Variants in ADARB2 observed in about 807,000 individuals in gnomAD.
ADARB2 encodes inactive double-stranded RNA-specific editase B2.
ADARB2 carries 25 observed loss-of-function variants against 62.2 expected under a neutral mutation model. That is an observed-to-expected ratio of 0.40 (90% CI 0.29 to 0.56). The LOEUF is 0.56. ADARB2 is among the 20% of genes least tolerant of loss of function. ADARB2 has a pLI of 0.43. For missense variants in ADARB2, 1,071 were observed against 1,077.4 expected (o/e 0.99, Z 0.08); for synonymous variants, 572 against 500.8 (o/e 1.14, Z -1.90).
intron 3 of ADARB2, chr10:1,361,308 TAAG>T (rs963200821): frequency 6.7e-6 from 1 of 150,210 alleles, no homozygotes; most frequent in African/African-American, 2.5e-5. Flanking sequence ...AGGGAGTAAA[TAAG>T]AAGGAGGTGT....
intron 1 of ADARB2, among the ~76,000 whole-genome samples, chr10:1,595,004 G>A (rs534968181): frequency 4.0e-4 from 61 of 152,260 alleles, no homozygotes; most frequent in Non-Finnish European, 7.9e-4. Flanking sequence ...TGCAGGAAGC[G>A]GTCTTTCCTC....
intron 3 of ADARB2, among the ~76,000 whole-genome samples, chr10:1,328,500 G>C (rs934721947): frequency 6.6e-6 from 1 of 151,902 alleles, no homozygotes; most frequent in Admixed American, 6.5e-5. Context: ...TCAAACCCGC[G>C]TCCTGTTTTT....
In ADARB2 at chr10:1,363,101, G is replaced by A; in HGVS notation, c.1004C>T (p.Ala335Val). 6.6e-7 allele frequency: 1 copy of A among 1,519,754 alleles called. No individual in the cohort carries two copies. The highest frequency in any genetic ancestry group is 8.8e-7 in the Non-Finnish European group (1 of 1,141,962). 94.1% of individuals were successfully genotyped at this position (1,519,754 alleles called of 1,614,324 possible). A position where few individuals can be genotyped will look rare whatever the true frequency, so the allele number is the denominator to read the frequency against. Reference protein sequence around the residue: ...KLARGQAAQAALQELFDIQMP... With the variant: ...KLARGQAAQAVLQELFDIQMP... The stretch of plus-strand genomic sequence containing the variant: ...CTGGATGTCGAACAGCTCCTGCAGT[G>A]CGGCCTGCGCGGCCTGACCCCGGGC... The change falls in exon 3 of 10, where the codon GCA becomes GTA. Residue 335 changes from alanine to valine, a missense_variant. Transcript: ENST00000381312.
chr10:1,394,806 G>T, intron 1 of ADARB2: 1 of 456,610 alleles, frequency 2.2e-6, no homozygotes, highest in South Asian at 1.5e-5. Flanking sequence ...AAGGGGAGGA[G>T]CTGCTTCCCC....
intron 3 of ADARB2, among the ~76,000 whole-genome samples, chr10:1,299,297 G>A (rs1245913649): frequency 3.3e-5 from 5 of 151,996 alleles, no homozygotes; most frequent in South Asian, 2.1e-4. Context: ...ACCAGTGTGC[G>A]TAGAGTGTGA....
At chr10:1,654,978 G>A (rs1834156135) in intron 1 of ADARB2, among the ~76,000 whole-genome samples, 1 of 152,250 alleles carries the variant, frequency 6.6e-6, no homozygotes, top group Admixed American at 6.5e-5. Flanking sequence ...GTTACAAGGT[G>A]GAGCCATCAG....
At chr10:1,225,367 T>C (rs1377349307) in intron 6 of ADARB2, among the ~76,000 whole-genome samples, 2 of 152,212 alleles carry the variant, frequency 1.3e-5, no homozygotes, top group Non-Finnish European at 2.9e-5. Flanking sequence ...CTTTTTCCAA[T>C]TTGCCAGTCT....
intron 1 of ADARB2, among the ~76,000 whole-genome samples, chr10:1,475,019 G>A (rs879315389): frequency 1.2e-4 from 19 of 152,126 alleles, no homozygotes; most frequent in Non-Finnish European, 2.1e-4. Flanking sequence ...GTCTAATGGT[G>A]CCACGCCCAC....
chr10:1,222,878 A>C (rs1830707316), intron 6 of ADARB2, among the ~76,000 whole-genome samples: 1 of 150,980 alleles, frequency 6.6e-6, no homozygotes, highest in Non-Finnish European at 1.5e-5. Flanking sequence ...CTTTTGGCTT[A>C]GGATTGACTT....
chr10:1,206,895 C>T (rs1377455426), intron 7 of ADARB2, among the ~76,000 whole-genome samples: 2 of 152,236 alleles, frequency 1.3e-5, no homozygotes, highest in African/African-American at 4.8e-5. Flanking sequence ...CCCCCAGGAA[C>T]TGGGCTCTGG....
chr10:1,186,708 G>A, intron 8 of ADARB2: 1 of 408,718 alleles, frequency 2.4e-6, no homozygotes. Flanking sequence ...TGGCGTCTTG[G>A]CCAGGGCATT....
chr10:1,697,439 T>G (rs1275477874), intron 1 of ADARB2, among the ~76,000 whole-genome samples: 1 of 152,114 alleles, frequency 6.6e-6, no homozygotes, highest in African/African-American at 2.4e-5. Context: ...GGCTCAAACC[T>G]GCCCCATCAC....
chr10:1,545,545 T>A (rs944460907), intron 1 of ADARB2, among the ~76,000 whole-genome samples: 2 of 152,166 alleles, frequency 1.3e-5, no homozygotes, highest in African/African-American at 2.4e-5. Flanking sequence ...CTTCCCTGAC[T>A]TTTTCCTCCC....
At chr10:1,505,603 C>T (rs908447723) in intron 1 of ADARB2, among the ~76,000 whole-genome samples, 6 of 152,204 alleles carry the variant, frequency 3.9e-5, no homozygotes, top group South Asian at 4.1e-4. Flanking sequence ...CAGCCAGGCG[C>T]GTCAGCCGCC....
At chr10:1,198,377 A>G (rs529641928) in intron 8 of ADARB2, among the ~76,000 whole-genome samples, 118 of 152,368 alleles carry the variant, frequency 7.7e-4, no homozygotes, top group Admixed American at 1.6e-3. Context: ...TTTTATTATT[A>G]TCCCTGTGCA....
At chr10:1,443,784 T>C (rs939447348) in intron 1 of ADARB2, among the ~76,000 whole-genome samples, 1 of 152,250 alleles carries the variant, frequency 6.6e-6, no homozygotes, top group Middle Eastern at 3.4e-3. Context: ...TTGCAAGAGA[T>C]GATAAAAACT....
intron 1 of ADARB2, among the ~76,000 whole-genome samples, chr10:1,620,853 A>G (rs1159745127): frequency 6.6e-6 from 1 of 152,246 alleles, no homozygotes; most frequent in Non-Finnish European, 1.5e-5. Context: ...TCAAATAAAG[A>G]TCAGACACCT....
chr10:1,378,988 G>A lies in ADARB2; in HGVS notation c.187+86C>T, dbSNP rs754708856. Reference sequence around the variant, plus strand: ...AACAGACCCTCCCAGATGACCCCAGGTATCTCAGGTTTTGGGGACTGCAGG... The same window carrying A: ...AACAGACCCTCCCAGATGACCCCAGATATCTCAGGTTTTGGGGACTGCAGG... On this transcript the variant is annotated intron_variant, in intron 2 of 9. Coordinates refer to ENST00000381312, the MANE Select transcript of ADARB2 (RefSeq NM_018702.4). 8 of 1,119,922 alleles carry A rather than the reference G, an allele frequency of 7.1e-6. No homozygotes were observed. The South Asian group carries it at 8.9e-5, about 12-fold the overall frequency. 69.4% of individuals were successfully genotyped at this position (1,119,922 alleles called of 1,614,324 possible). A position where few individuals can be genotyped will look rare whatever the true frequency, so the allele number is the denominator to read the frequency against.
chr10:1,487,326 C>T (rs908521478), intron 1 of ADARB2, among the ~76,000 whole-genome samples: 1 of 152,206 alleles, frequency 6.6e-6, no homozygotes, highest in Non-Finnish European at 1.5e-5. Context: ...CAAGTGAAAA[C>T]AAAAAGACTA....
Sources: gnomAD v4.1 joint callset for allele counts (sites outside exome capture counted in the v4.1 genomes callset) on GRCh38, gnomAD v4.1.1 for gene constraint, MANE v1.5 for transcripts, NCBI Gene and HGNC (gene_info 2026-07-23, HGNC 2026-07-21) for gene names.